PBRM1: variants seen among roughly 807,000 people sequenced by gnomAD.
PBRM1 encodes protein polybromo-1.
Under a neutral mutation model 194.5 loss-of-function variants are expected in PBRM1, and 27 were observed. That is an observed-to-expected ratio of 0.14 (90% CI 0.10 to 0.19). PBRM1 has a LOEUF of 0.19. Among genes scored for constraint, PBRM1 ranks in the 10% least tolerant of loss-of-function variants. The pLI is 1.00. For synonymous variants in PBRM1, 655 were observed against 693.2 expected, an observed-to-expected ratio of 0.94 and a Z score of 0.87; for missense variants, 1,466 against 2,077.2, an observed-to-expected ratio of 0.71 and a Z score of 5.72.
intron 22 of PBRM1, among the ~76,000 whole-genome samples, chr3:52,567,245 T>C (rs1559926285): frequency 6.6e-6 from 1 of 152,224 alleles, no homozygotes; most frequent in East Asian, 1.9e-4. Context: ...ATTCAACTAG[T>C]TCCCTATTGA....
intron 20 of PBRM1, among the ~76,000 whole-genome samples, chr3:52,579,855 A>T (rs2090643972): frequency 6.6e-6 from 1 of 152,248 alleles, no homozygotes; most frequent in African/African-American, 2.4e-5. Context: ...AAGCAGACTC[A>T]TTCATGCATT....
intron 6 of PBRM1, among the ~76,000 whole-genome samples, chr3:52,650,401 T>C (rs1472303956): frequency 4.7e-5 from 6 of 127,766 alleles, no homozygotes; most frequent in Admixed American, 4.2e-4. Flanking sequence ...AAAAAAAAGA[T>C]GATACATTAG....
chr3:52,642,276 G>C (rs781364412), intron 9 of PBRM1, among the ~76,000 whole-genome samples: 20 of 152,112 alleles, frequency 1.3e-4, no homozygotes, highest in South Asian at 2.1e-4. Context: ...CTCAGTCACA[G>C]TTGCTGATAA....
chr3:52,554,321 C>T (rs1559822842), intron 27 of PBRM1, among the ~76,000 whole-genome samples: 1 of 152,160 alleles, frequency 6.6e-6, no homozygotes, highest in Non-Finnish European at 1.5e-5. Flanking sequence ...AGAAATGCAA[C>T]TCAGGGGCAA....
At chr3:52,586,184 T>A in intron 20 of PBRM1, 1 of 327,104 alleles carries the variant, frequency 3.1e-6, no homozygotes, top group Non-Finnish European at 5.6e-6. Context: ...TCTGCCCGCC[T>A]TGGCCTCCCA....
At chr3:52,678,433 A>T in intron 2 of PBRM1, 67 bp downstream of exon 3, 1 of 1,036,796 alleles carries the variant, frequency 9.6e-7, no homozygotes, top group Non-Finnish European at 1.5e-6. Context: ...TCAATTTCCA[A>T]ACACTTTAAT....
upstream of PBRM1, among the ~76,000 whole-genome samples, chr3:52,683,640 C>T (rs943664471): frequency 6.6e-6 from 1 of 151,710 alleles, no homozygotes; most frequent in Non-Finnish European, 1.5e-5. Flanking sequence ...ACGGTGAAAC[C>T]CCGTCTCTAT....
intron 22 of PBRM1, among the ~76,000 whole-genome samples, chr3:52,570,777 T>C (rs1160439550): frequency 6.6e-6 from 1 of 152,246 alleles, no homozygotes; most frequent in African/African-American, 2.4e-5. Context: ...ATAAATATGA[T>C]GGATAACTTT....
At chr3:52,564,559 T>C (rs1411594727) in intron 22 of PBRM1, among the ~76,000 whole-genome samples, 2 of 151,726 alleles carry the variant, frequency 1.3e-5, no homozygotes, top group African/African-American at 4.8e-5. Flanking sequence ...GTGGGAATCA[T>C]CTGAGTCTGG....
At chr3:52,640,727 C>T (rs187357018) in intron 10 of PBRM1, among the ~76,000 whole-genome samples, 143 of 151,630 alleles carry the variant, frequency 9.4e-4, no homozygotes, top group African/African-American at 2.9e-3. Flanking sequence ...CTGCAGTCTC[C>T]ACTTCCTCGG....
chr3:52,592,924 G>A (rs1449211775), intron 17 of PBRM1, among the ~76,000 whole-genome samples: 1 of 152,172 alleles, frequency 6.6e-6, no homozygotes, highest in Non-Finnish European at 1.5e-5. Context: ...ATTTCTTCTA[G>A]ATTTTCTAGT....
upstream of PBRM1, among the ~76,000 whole-genome samples, chr3:52,683,246 T>C (rs1158421435): frequency 6.6e-6 from 1 of 151,246 alleles, no homozygotes; most frequent in East Asian, 1.9e-4. Flanking sequence ...AGGCAGTGCA[T>C]GCCTGTAAAC....
At chr3:52,677,205 C>T (rs1199097535) in intron 2 of PBRM1, among the ~76,000 whole-genome samples, 5 of 152,144 alleles carry the variant, frequency 3.3e-5, no homozygotes, top group Non-Finnish European at 5.9e-5. Flanking sequence ...ACAACATAAA[C>T]TTCATGAAAA....
At chr3:52,632,669 A>C (rs2095659044) in intron 11 of PBRM1, among the ~76,000 whole-genome samples, 1 of 151,952 alleles carries the variant, frequency 6.6e-6, no homozygotes, top group Non-Finnish European at 1.5e-5. Flanking sequence ...GTATAACACA[A>C]AACTTACCAC....
intron 2 of PBRM1, among the ~76,000 whole-genome samples, chr3:52,673,671 C>CAAAAA (rs1324914906): frequency 5.1e-5 from 2 of 39,246 alleles, no homozygotes; most frequent in African/African-American, 7.2e-5. Flanking sequence ...GACTCCATCT[C>CAAAAA]AAAAAAAAAA....
chr3:52,628,996 A>T (rs1560516560), exon 12 of PBRM1: 1 of 1,608,462 alleles, frequency 6.2e-7, no homozygotes, highest in Middle Eastern at 1.7e-4. Context: ...CACACTCCAA[A>T]TGATCTAAAG....
intron 26 of PBRM1, among the ~76,000 whole-genome samples, chr3:52,556,766 GT>G (rs1264928625): frequency 6.6e-6 from 1 of 152,152 alleles, no homozygotes; most frequent in East Asian, 1.9e-4. Flanking sequence ...GGACCAAAGA[GT>G]GGTTACTGCA....
chr3:52,572,911 T>C (rs1349051737), intron 22 of PBRM1, among the ~76,000 whole-genome samples: 2 of 152,230 alleles, frequency 1.3e-5, no homozygotes, highest in Non-Finnish European at 2.9e-5. Context: ...AAAGCTTATA[T>C]AACAAAACCC....
chr3:52,624,348 T>C (rs561910858), intron 13 of PBRM1, among the ~76,000 whole-genome samples: 99 of 152,336 alleles, frequency 6.5e-4, no homozygotes, highest in Non-Finnish European at 1.2e-3. Context: ...ACAAAAGCAC[T>C]ACACAATTAT....
Sources: allele counts gnomAD v4.1 joint callset (sites outside exome capture counted in the v4.1 genomes callset), GRCh38; gene constraint gnomAD v4.1.1; transcripts MANE v1.5; gene names NCBI Gene and HGNC (gene_info 2026-07-23, HGNC 2026-07-21).